Variants in ROBO1 observed in about 807,000 individuals in gnomAD.
The protein encoded by ROBO1 is roundabout homolog 1.
In ROBO1, 149 loss-of-function variants were observed where a neutral mutation model predicts 195.9. The ratio of observed to expected loss-of-function variants is 0.76; its 90% CI spans 0.67 to 0.87. ROBO1 has a LOEUF of 0.87. Ranked by LOEUF, ROBO1 falls within the 40% of genes least tolerant of loss-of-function variation. The pLI is 0.00. For synonymous variants in ROBO1, 816 were observed against 733.2 expected, an observed-to-expected ratio of 1.11 and a Z score of -1.82; for missense variants, 1,933 against 2,068.3, an observed-to-expected ratio of 0.93 and a Z score of 1.27.
intron 2 of ROBO1, among the ~76,000 whole-genome samples, chr3:79,284,517 C>A (rs2031761386): frequency 1.3e-5 from 2 of 152,052 alleles, no homozygotes; most frequent in African/African-American, 4.8e-5. Context: ...AGAAACTATT[C>A]TCTATTATTA....
chr3:79,664,457 G>A (rs1032323343), intron 1 of ROBO1, among the ~76,000 whole-genome samples: 1 of 151,978 alleles, frequency 6.6e-6, no homozygotes, highest in African/African-American at 2.4e-5. Context: ...TGGACTCCCA[G>A]GTGCCTGGAT....
intron 4 of ROBO1, among the ~76,000 whole-genome samples, chr3:78,759,924 A>G (rs1200997546): frequency 2.6e-5 from 4 of 152,184 alleles, no homozygotes; most frequent in South Asian, 2.1e-4. Context: ...TTTAGGAATG[A>G]TATCTATGGA....
intron 3 of ROBO1, among the ~76,000 whole-genome samples, chr3:79,016,890 G>C (rs1285645380): frequency 6.6e-6 from 1 of 152,196 alleles, no homozygotes; most frequent in Non-Finnish European, 1.5e-5. Flanking sequence ...GGCAAATAGA[G>C]AGATCAGATT....
At chr3:78,978,404 T>C (rs1363685590) in intron 3 of ROBO1, among the ~76,000 whole-genome samples, 1 of 152,124 alleles carries the variant, frequency 6.6e-6, no homozygotes, top group African/African-American at 2.4e-5. Context: ...TTGTTTGAAA[T>C]GCTGAGAAAT....
intron 2 of ROBO1, among the ~76,000 whole-genome samples, chr3:79,340,163 C>A (rs1262214923): frequency 2.0e-5 from 3 of 152,188 alleles, no homozygotes; most frequent in Non-Finnish European, 2.9e-5. Context: ...GGCCTTTCCC[C>A]ATCACCTTAT....
At chr3:79,438,176 T>C (rs927721336) in intron 2 of ROBO1, among the ~76,000 whole-genome samples, 3 of 151,968 alleles carry the variant, frequency 2.0e-5, no homozygotes, top group African/African-American at 7.2e-5. Context: ...TTTTGAATAT[T>C]CTCTCATATG....
At chr3:79,602,313 G>C (rs867920819) in intron 1 of ROBO1, among the ~76,000 whole-genome samples, 1 of 151,972 alleles carries the variant, frequency 6.6e-6, no homozygotes, top group African/African-American at 2.4e-5. Context: ...GTAACAAAAA[G>C]ATTCATACAC....
At chr3:79,055,385 T>C (rs1260250149) in intron 3 of ROBO1, among the ~76,000 whole-genome samples, 1 of 152,072 alleles carries the variant, frequency 6.6e-6, no homozygotes, top group Non-Finnish European at 1.5e-5. Context: ...CCATACACAT[T>C]CAAGGAAAGA....
intron 2 of ROBO1, among the ~76,000 whole-genome samples, chr3:79,562,086 A>C (rs1269553457): frequency 6.6e-6 from 1 of 152,156 alleles, no homozygotes; most frequent in Non-Finnish European, 1.5e-5. Flanking sequence ...TTCAGCAATT[A>C]ATCTTACTTT....
At chr3:79,341,161 T>C (rs557096840) in intron 2 of ROBO1, among the ~76,000 whole-genome samples, 17 of 152,296 alleles carry the variant, frequency 1.1e-4, no homozygotes, top group African/African-American at 4.1e-4. Context: ...TAAATCTGAT[T>C]GTACTGAATG....
At chr3:78,871,404 G>A (rs2035535695) in intron 4 of ROBO1, among the ~76,000 whole-genome samples, 1 of 151,950 alleles carries the variant, frequency 6.6e-6, no homozygotes, top group Non-Finnish European at 1.5e-5. Context: ...CTTTCTATTG[G>A]TTTATTAAAT....
At chr3:78,902,161 T>G (rs530084005) in intron 4 of ROBO1, among the ~76,000 whole-genome samples, 2 of 152,290 alleles carry the variant, frequency 1.3e-5, no homozygotes, top group East Asian at 3.9e-4. Flanking sequence ...TTCTAGGATT[T>G]ATGAAATAAA....
At chr3:79,354,903 C>T (rs1412072717) in intron 2 of ROBO1, among the ~76,000 whole-genome samples, 3 of 152,264 alleles carry the variant, frequency 2.0e-5, no homozygotes, top group African/African-American at 7.2e-5. Flanking sequence ...CATGGTGGCT[C>T]ACGCCTGTAA....
At chr3:78,832,344 T>C (rs1440220383) in intron 4 of ROBO1, among the ~76,000 whole-genome samples, 1 of 152,220 alleles carries the variant, frequency 6.6e-6, no homozygotes, top group East Asian at 1.9e-4. Flanking sequence ...TGTGTAAACA[T>C]AGATATTTAT....
At chr3:79,436,205 A>G (rs562303898) in intron 2 of ROBO1, among the ~76,000 whole-genome samples, 1 of 152,344 alleles carries the variant, frequency 6.6e-6, no homozygotes, top group East Asian at 1.9e-4. Context: ...CATTTTAAAA[A>G]TAATAAATGA....
At chr3:78,888,707 T>C (rs2036711003) in intron 4 of ROBO1, among the ~76,000 whole-genome samples, 1 of 152,188 alleles carries the variant, frequency 6.6e-6, no homozygotes, top group Non-Finnish European at 1.5e-5. Context: ...ATATATAAGC[T>C]TAGATCAAGT....
chr3:78,605,834 CTT>C (rs1398287768), intron 29 of ROBO1, among the ~76,000 whole-genome samples: 4 of 152,134 alleles, frequency 2.6e-5, no homozygotes, highest in Non-Finnish European at 5.9e-5. Context: ...CTATGAATAA[CTT>C]TTTTTGTTTA....
rs903010548 is a variant in ROBO1 at position 78,676,909 on chromosome 3, T to A, written c.1343-6608A>T. ...AAAGTTGAAATGAAGGAAAAAATGT[T>A]AAGGGCAGCCAGAGAGAAAGGTCAG... On this transcript the variant is annotated intron_variant, in intron 10 of 30. Transcript: ENST00000464233. 7.9e-5 allele frequency among the ~76,000 whole-genome samples: 12 copies of A among 152,104 alleles called. 1 individual carries two copies. Among genetic ancestry groups the A allele is most frequent in the Non-Finnish European group, 1.5e-5 (1 of 68,038 alleles).
intron 26 of ROBO1, among the ~76,000 whole-genome samples, chr3:78,624,525 A>G (rs947683485): frequency 2.6e-5 from 4 of 152,104 alleles, no homozygotes; most frequent in African/African-American, 9.7e-5. Flanking sequence ...TTACCCAATT[A>G]CATATATCTG....
Sources: gnomAD v4.1 joint callset for allele counts (sites outside exome capture counted in the v4.1 genomes callset) on GRCh38, gnomAD v4.1.1 for gene constraint, MANE v1.5 for transcripts, NCBI Gene and HGNC (gene_info 2026-07-23, HGNC 2026-07-21) for gene names.